The following GPAA1 variants were observed in gnomAD, a reference collection of about 807,000 sequenced individuals.
GPAA1 encodes the protein glycosylphosphatidylinositol anchor attachment 1, also known as GPI-anchor transamidase component GPAA1.
In GPAA1, 54 loss-of-function variants were observed where a neutral mutation model predicts 64.0. That is an observed-to-expected ratio of 0.84 (90% CI 0.68 to 1.06). The LOEUF (loss-of-function observed/expected upper bound fraction) is 1.06. Ranked by LOEUF, GPAA1 falls within the 50% of genes least tolerant of loss-of-function variation. GPAA1 has a pLI of 0.00. For missense variants in GPAA1, 780 were observed against 822.3 expected (o/e 0.95, Z 0.63); for synonymous variants, 393 against 377.3 (o/e 1.04, Z -0.48).
In GPAA1 at chr8:144,085,369, G is replaced by A; in HGVS notation, c.1341G>A (p.Leu447=). The A allele has an allele frequency of 6.2e-7, 1 of 1,609,306 alleles. No homozygotes were observed. Among genetic ancestry groups the A allele is most frequent in the Non-Finnish European group, 8.5e-7 (1 of 1,179,860 alleles). Residue 447 remains leucine (L), a synonymous_variant, in exon 10 of 12, where the codon CTG becomes CTA. Coordinates refer to ENST00000355091, the MANE Select transcript of GPAA1 (RefSeq NM_003801.4). ...TGGCCCTCTATGTCCTGCCAGTGCTGGGCCAACACGTTGCCACCCAGCACT... is the reference window on the plus strand; with the variant it reads ...TGGCCCTCTATGTCCTGCCAGTGCTAGGCCAACACGTTGCCACCCAGCACT... ...MGLALYVLPV[L]GQHVATQHFP...
At position 144,084,218 on chromosome 8, in the gene GPAA1, G is replaced by T. The variant is rs199943818; in HGVS notation, c.701G>T (p.Ser234Ile). 2.9e-5 allele frequency: 46 copies of T among 1,613,164 alleles called. No homozygotes were observed. The highest frequency in any genetic ancestry group is 3.6e-5 in the Non-Finnish European group (43 of 1,179,862). ...ALELSSDVVTSLDVAVEGLNG... is the reference protein window; with the variant it reads ...ALELSSDVVTILDVAVEGLNG... ...GAGCTGAGCAGTGATGTGGTCACCAGCCTCGATGTGGCCGTGGAGGGGCTT... is the reference window on the plus strand; with the variant it reads ...GAGCTGAGCAGTGATGTGGTCACCATCCTCGATGTGGCCGTGGAGGGGCTT... Residue 234 changes from serine (S) to isoleucine (I), a missense_variant, in exon 6 of 12, where the codon AGC (serine) becomes ATC (isoleucine). Ser to Ile is a moderately radical substitution (Grantham distance 142, BLOSUM62 -2). Coordinates refer to ENST00000355091, the MANE Select transcript of GPAA1 (RefSeq NM_003801.4).
At chr8:144,082,953 C>A in intron 1 of GPAA1, 149 bp downstream of exon 1, 1 of 877,944 alleles carries the variant, frequency 1.1e-6, no homozygotes, top group Non-Finnish European at 1.7e-6. Flanking sequence ...CCTCTGGAAG[C>A]ACTGAGGGTA....
At position 144,085,074 on chromosome 8, in the gene GPAA1, C is replaced by G; in HGVS notation, c.1196C>G (p.Ala399Gly). 2 of 1,610,752 alleles carry G rather than the reference C, an allele frequency of 1.2e-6. No homozygotes were observed. The highest frequency in any genetic ancestry group is 1.1e-5 in the South Asian group (1 of 90,690). ...ALELWMQLHE[A>G]GMGLEEPGGA... is the part of the protein sequence containing the mutation. ...GAACTGTGGATGCAGCTGCATGAGG[C>G]TGGAATGGGCCTTGAGGAGCCCGGG... is the stretch of plus-strand genomic sequence containing the variant. The change falls in exon 9 of 12, where the codon GCT becomes GGT. Residue 399 changes from alanine to glycine, a missense_variant. Ala to Gly is a moderately conservative substitution (Grantham distance 60). Transcript: ENST00000355091.
rs1310790401 is a variant in GPAA1, at chr8:144,086,068, G to A, written c.1809G>A (p.Leu603=). The change falls in exon 12 of 12, where the codon CTG becomes CTA. Residue 603 remains leucine (L), a synonymous_variant. Coordinates refer to ENST00000355091, the MANE Select transcript of GPAA1 (RefSeq NM_003801.4). ...ACGGCGCCCTGCTCTTCCCACTGCT[G>A]TCCCTGGGCCTCTACCCCTGCTGGC... ...HTYGALLFPL[L]SLGLYPCWLL... The A allele has an allele frequency of 6.2e-7, 1 of 1,613,548 alleles. No individual in the cohort carries two copies.
Position 144,083,195 on chromosome 8 carries a change from A to T in GPAA1, c.146A>T (p.Tyr49Phe). ...LVFPPLTQRTYMSENAMGSTM... is the reference protein window; with the variant it reads ...LVFPPLTQRTFMSENAMGSTM... ...TTCCCGCCGCTGACCCAGCGCACTT[A>T]CATGTCGGAGAACGCCATGGGCTCC... Residue 49 changes from tyrosine to phenylalanine, a missense_variant, in exon 2 of 12, where the codon TAC becomes TTC. Physicochemically the swap from Tyr to Phe is conservative, Grantham distance 22. Transcript: ENST00000355091. 6.2e-7 allele frequency: 1 copy of T among 1,612,976 alleles called. No homozygotes were observed. Among genetic ancestry groups the T allele is most frequent in the Non-Finnish European group, 8.5e-7 (1 of 1,179,784 alleles).
chr8:144,083,940 G>T lies in GPAA1; in HGVS notation c.516G>T (p.Gly172=). The T allele has an allele frequency of 6.2e-7, 1 of 1,613,708 alleles. No homozygotes were observed. The highest frequency in any genetic ancestry group is 8.5e-7 in the Non-Finnish European group (1 of 1,179,720). ...GCTGATCCTGCTTCTGGCCTCCAGG[G>T]CAGATTTATTGGGCCAAAGATATCG... is the stretch of plus-strand genomic sequence containing the variant. ...LLLALAAHFR[G]QIYWAKDIVF... is the part of the protein sequence containing the mutation. Residue 172 remains glycine (G), a splice_region_variant and synonymous_variant, in exon 5 of 12, where the codon GGG becomes GGT. Transcript: ENST00000355091.
At position 144,085,357 on chromosome 8, in the gene GPAA1, C is replaced by T; in HGVS notation, c.1329C>T (p.Val443=). Residue 443 remains valine (V), a synonymous_variant, in exon 10 of 12, where the codon GTC becomes GTT. Transcript: ENST00000355091. ...AGGCCATGGGACTGGCCCTCTATGT[C>T]CTGCCAGTGCTGGGCCAACACGTTG... ...ISQAMGLALY[V]LPVLGQHVAT... 6.2e-7 allele frequency: 1 copy of T among 1,609,948 alleles called. No homozygotes were observed. Among genetic ancestry groups the T allele is most frequent in the South Asian group, 1.1e-5 (1 of 90,980 alleles).
intron 2 of GPAA1, 38 bp from the exon 3 acceptor site, chr8:144,083,351 C>T: frequency 1.2e-6 from 2 of 1,611,288 alleles, no homozygotes; most frequent in South Asian, 1.1e-5. Context: ...TGGCTAAGGC[C>T]GGGGAGCTCT....
Position 144,084,270 on chromosome 8 carries a change from G to A in GPAA1, c.753G>A (p.Leu251=), listed in dbSNP as rs933720844. 6.2e-7 allele frequency: 1 copy of A among 1,613,842 alleles called. No homozygotes were observed. The highest frequency in any genetic ancestry group is 8.5e-7 in the Non-Finnish European group (1 of 1,180,018). The part of the protein sequence containing the change: ...GLNGQLPNLD[L]LNLFQTFCQK... ...ACGGGCAGCTGCCCAACCTTGACCTGCTCAATCTCTTCCAGACCTTCTGCC... is the reference window on the plus strand; with the variant it reads ...ACGGGCAGCTGCCCAACCTTGACCTACTCAATCTCTTCCAGACCTTCTGCC... Residue 251 remains leucine (L), a synonymous_variant, in exon 6 of 12, where the codon CTG becomes CTA. Coordinates refer to ENST00000355091, the MANE Select transcript of GPAA1 (RefSeq NM_003801.4).
rs1465603043 is a variant in GPAA1, at chr8:144,085,385, A to C, written c.1357A>C (p.Thr453Pro). 2 of 1,608,118 alleles carry C rather than the reference A, an allele frequency of 1.2e-6. No homozygotes were observed. Among genetic ancestry groups the C allele is most frequent in the African/African-American group, 2.7e-5 (2 of 74,912 alleles). ...VLPVLGQHVA[T>P]QHFPVAEAEA... ...GCCAGTGCTGGGCCAACACGTTGCCACCCAGCACTTCCCAGTGGCAGAGGC... is the reference window on the plus strand; with the variant it reads ...GCCAGTGCTGGGCCAACACGTTGCCCCCCAGCACTTCCCAGTGGCAGAGGC... The change falls in exon 10 of 12, where the codon ACC becomes CCC. Residue 453 changes from threonine (T) to proline (P), a missense_variant. Physicochemically the swap from Thr to Pro is conservative, Grantham distance 38. Transcript: ENST00000355091.
At position 144,083,752 on chromosome 8, in the gene GPAA1, C is replaced by T. The variant is rs201888630; in HGVS notation, c.405C>T (p.Ala135=). ...SGTNVYGILR[A]PRAASTESLV... ...CCAACGTGTACGGCATCCTGCGGGCCCCGCGTGCTGCCAGCACCGAGTCGC... is the reference window on the plus strand; with the variant it reads ...CCAACGTGTACGGCATCCTGCGGGCTCCGCGTGCTGCCAGCACCGAGTCGC... The change falls in exon 4 of 12, where the codon GCC becomes GCT. Residue 135 remains alanine, a synonymous_variant. Transcript: ENST00000355091. 6.2e-7 allele frequency: 1 copy of T among 1,605,110 alleles called. No homozygotes were observed. Among genetic ancestry groups the T allele is most frequent in the South Asian group, 1.1e-5 (1 of 91,072 alleles).
chr8:144,085,949 T>C lies in GPAA1; in HGVS notation c.1690T>C (p.Trp564Arg). The C allele has an allele frequency of 2.5e-6, 4 of 1,607,240 alleles. No individual in the cohort carries two copies. The highest frequency in any genetic ancestry group is 3.4e-6 in the Non-Finnish European group (4 of 1,179,768). Residue 564 changes from tryptophan to arginine, a missense_variant, in exon 12 of 12, where the codon TGG becomes CGG. Trp to Arg is a moderately radical substitution (Grantham distance 101, BLOSUM62 -3). Coordinates refer to ENST00000355091, the MANE Select transcript of GPAA1 (RefSeq NM_003801.4). ...AATLLGSLFL[W>R]RELQEAPLSL... Reference sequence around the variant, plus strand: ...CACGCTCCTTGGCAGCCTGTTCCTGTGGCGGGAGCTGCAGGAGGCGCCACT... The same window carrying C: ...CACGCTCCTTGGCAGCCTGTTCCTGCGGCGGGAGCTGCAGGAGGCGCCACT...
intron 7 of GPAA1, 29 bp from the exon 8 acceptor site, chr8:144,084,693 C>T (rs782438288): frequency 3.1e-6 from 5 of 1,611,540 alleles, no homozygotes; most frequent in Middle Eastern, 1.7e-4. Context: ...TGGCTCTGGC[C>T]AGCCGTGAAC....
chr8:144,084,351 G>A (rs1835958792), intron 6 of GPAA1, 21 bp downstream of exon 6: 3 of 1,612,434 alleles, frequency 1.9e-6, no homozygotes, highest in East Asian at 2.2e-5. Flanking sequence ...CTGCCTGCCT[G>A]AGGGCTGAAG....
chr8:144,085,007 C>T (rs782023280), intron 8 of GPAA1, 36 bp from the exon 9 acceptor site: 9 of 1,578,450 alleles, frequency 5.7e-6, no homozygotes, highest in East Asian at 2.2e-5. Context: ...GGGCAGATCC[C>T]GTTACACCTC....
In GPAA1 at chr8:144,084,433, A is replaced by G. The variant is rs1231989677; in HGVS notation, c.834A>G (p.Thr278=). 5.6e-6 allele frequency: 9 copies of G among 1,612,248 alleles called. No individual in the cohort carries two copies. In the African/African-American group the frequency reaches 6.7e-5, roughly 12 times the overall value. Residue 278 remains threonine (T), a synonymous_variant, in exon 7 of 12, where the codon ACA becomes ACG. Transcript: ENST00000355091. ...LQGKLQPEDW[T]SLDGPLQGLQ... ...TAAAGCTGCAGCCCGAGGACTGGAC[A>G]TCATTGGATGGACCGCTGCAGGGCC...
rs782071116 is a variant in GPAA1 at position 144,085,564 on chromosome 8, G to A, written c.1452-9G>A. On this transcript the variant is annotated splice_polypyrimidine_tract_variant and intron_variant, in intron 10 of 11. Coordinates refer to ENST00000355091, the MANE Select transcript of GPAA1 (RefSeq NM_003801.4). ...CTTGTGGGTTGCCTCTGAGTCCTTTGTCTTACAGGGTGGTAAGCACACAGG... is the reference window on the plus strand; with the variant it reads ...CTTGTGGGTTGCCTCTGAGTCCTTTATCTTACAGGGTGGTAAGCACACAGG... 6.2e-7 allele frequency: 1 copy of A among 1,612,600 alleles called. No individual in the cohort carries two copies. Among genetic ancestry groups the A allele is most frequent in the African/African-American group, 1.3e-5 (1 of 75,022 alleles).
At position 144,083,989 on chromosome 8, in the gene GPAA1, C is replaced by T. The variant is rs782133364; in HGVS notation, c.565C>T (p.Leu189Phe). 10 of 1,613,926 alleles carry T rather than the reference C, an allele frequency of 6.2e-6. No individual in the cohort carries two copies. Among genetic ancestry groups the T allele is most frequent in the Middle Eastern group, 1.6e-4 (1 of 6,084 alleles). ...CGTCTTCCTGGTAACAGAACATGAC[C>T]TTCTGGGCACTGAGGCTTGGCTTGA... ...DIVFLVTEHD[L>F]LGTEAWLEAY... The change falls in exon 5 of 12, where the codon CTT (leucine) becomes TTT (phenylalanine). Residue 189 changes from leucine (L) to phenylalanine (F), a missense_variant. Physicochemically the swap from Leu to Phe is conservative, Grantham distance 22. Transcript: ENST00000355091.
Position 144,083,230 on chromosome 8 carries a change from G to A in GPAA1, c.181G>A (p.Glu61Lys), listed in dbSNP as rs201084845. 1.6e-5 allele frequency: 25 copies of A among 1,609,894 alleles called. No individual in the cohort carries two copies. Among genetic ancestry groups the A allele is most frequent in the Non-Finnish European group, 2.0e-5 (24 of 1,177,412 alleles). The change falls in exon 2 of 12, where the codon GAG (glutamate) becomes AAG (lysine). Residue 61 changes from glutamate to lysine, a missense_variant. Physicochemically the swap from Glu to Lys is moderately conservative, Grantham distance 56. Transcript: ENST00000355091. The stretch of plus-strand genomic sequence containing the variant: ...GAACGCCATGGGCTCCACCATGGTG[G>A]AGGAGCAGTTTGCGGGCGGAGACCG... Reference protein sequence around the residue: ...SENAMGSTMVEEQFAGGDRAR... With the variant: ...SENAMGSTMVKEQFAGGDRAR...
Sources: allele counts gnomAD v4.1 joint callset, GRCh38; gene constraint gnomAD v4.1.1; transcripts MANE v1.5; gene names NCBI Gene and HGNC (gene_info 2026-07-23, HGNC 2026-07-21).